Variants in PPP2R2B observed in about 807,000 individuals in gnomAD.
PPP2R2B encodes protein phosphatase 2 regulatory subunit Bbeta.
A neutral mutation model predicts 46.0 loss-of-function variants in PPP2R2B; 5 were observed. The observed-to-expected ratio is 0.11, with a 90% CI of 0.06 to 0.23. The LOEUF (loss-of-function observed/expected upper bound fraction) is 0.23. Ranked by LOEUF, PPP2R2B falls within the 10% of genes least tolerant of loss-of-function variation. The pLI is 1.00. For missense variants in PPP2R2B, 367 were observed against 575.0 expected, an observed-to-expected ratio of 0.64 and a Z score of 3.70; for synonymous variants, 215 against 206.7, an observed-to-expected ratio of 1.04 and a Z score of -0.34.
At chr5:147,028,236 A>T (rs999025224) in intron 1 of PPP2R2B, among the ~76,000 whole-genome samples, 2 of 152,200 alleles carry the variant, frequency 1.3e-5, no homozygotes, top group African/African-American at 4.8e-5. Context: ...CGGATTCAGT[A>T]ACCTCTTCTC....
chr5:146,875,736 C>T (rs566814285), intron 2 of PPP2R2B, among the ~76,000 whole-genome samples: 55 of 152,272 alleles, frequency 3.6e-4, no homozygotes, highest in African/African-American at 1.3e-3. Flanking sequence ...GAAGCTAATT[C>T]CCCACCCAGT....
rs1021586200 is a variant in PPP2R2B, at chr5:147,055,798, G to C, written c.-55C>G. 5 of 1,551,062 alleles carry C rather than the reference G, an allele frequency of 3.2e-6. No individual in the cohort carries two copies. In the South Asian group the frequency reaches 4.8e-5, roughly 15 times the overall value. On this transcript the variant is annotated 5_prime_UTR_variant, in exon 1 of 9. Transcript: ENST00000336640. Reference sequence around the variant, plus strand: ...AAAAAACAGTCTCCTGAATCCATAAGGATTCTCTCGGCCTTTTAAGCTGGC... The same window carrying C: ...AAAAAACAGTCTCCTGAATCCATAACGATTCTCTCGGCCTTTTAAGCTGGC...
At chr5:146,732,424 G>T (rs972740465) in intron 2 of PPP2R2B, among the ~76,000 whole-genome samples, 2 of 152,102 alleles carry the variant, frequency 1.3e-5, no homozygotes, top group Non-Finnish European at 2.9e-5. Context: ...ACCAATGGGA[G>T]GATGGACAAA....
At chr5:146,732,479 C>T (rs1752291769) in intron 2 of PPP2R2B, among the ~76,000 whole-genome samples, 1 of 152,066 alleles carries the variant, frequency 6.6e-6, no homozygotes, top group Non-Finnish European at 1.5e-5. Context: ...TGACTATGGC[C>T]TTGAAATCAG....
At chr5:147,077,780 C>G (rs138718253) in intron 2 of PPP2R2B, among the ~76,000 whole-genome samples, 1 of 152,198 alleles carries the variant, frequency 6.6e-6, no homozygotes, top group Non-Finnish European at 1.5e-5. Flanking sequence ...GTGCACTTTC[C>G]AAACAAAATA....
intron 2 of PPP2R2B, among the ~76,000 whole-genome samples, chr5:146,771,285 A>G (rs1403030283): frequency 6.6e-6 from 1 of 152,212 alleles, no homozygotes; most frequent in Non-Finnish European, 1.5e-5. Flanking sequence ...CAGAAATTTC[A>G]AAGGCCATGT....
chr5:146,779,566 T>A (rs1755385987), intron 2 of PPP2R2B, among the ~76,000 whole-genome samples: 1 of 152,130 alleles, frequency 6.6e-6, no homozygotes, highest in Non-Finnish European at 1.5e-5. Flanking sequence ...CACTGAAGCA[T>A]GCTGGGGAGA....
At chr5:146,829,418 T>C (rs1273137113) in intron 2 of PPP2R2B, among the ~76,000 whole-genome samples, 2 of 152,196 alleles carry the variant, frequency 1.3e-5, no homozygotes, top group African/African-American at 4.8e-5. Context: ...AAAAATGATA[T>C]TAAAAAATGG....
intron 2 of PPP2R2B, among the ~76,000 whole-genome samples, chr5:147,080,445 G>A (rs562054985): frequency 3.3e-5 from 5 of 152,176 alleles, no homozygotes; most frequent in East Asian, 3.9e-4. Context: ...GTTTTGTAAC[G>A]CAGACACCCT....
intron 5 of PPP2R2B, among the ~76,000 whole-genome samples, chr5:146,654,595 T>C (rs143093711): frequency 2.7e-4 from 41 of 152,326 alleles, no homozygotes; most frequent in African/African-American, 9.6e-4. Flanking sequence ...CCATAGTGTC[T>C]AGGCCTCTCC....
intron 2 of PPP2R2B, among the ~76,000 whole-genome samples, chr5:146,789,868 T>C (rs1287024985): frequency 6.6e-6 from 1 of 152,000 alleles, no homozygotes; most frequent in Non-Finnish European, 1.5e-5. Context: ...AAAAGAGAGA[T>C]GTGCAAATGG....
intron 2 of PPP2R2B, among the ~76,000 whole-genome samples, chr5:146,784,261 T>A (rs947177061): frequency 6.6e-6 from 1 of 152,154 alleles, no homozygotes; most frequent in African/African-American, 2.4e-5. Flanking sequence ...AAAAATTTAG[T>A]CACAACTAAA....
chr5:146,877,757 C>T (rs998204921), intron 2 of PPP2R2B, among the ~76,000 whole-genome samples: 1 of 152,176 alleles, frequency 6.6e-6, no homozygotes, highest in Non-Finnish European at 1.5e-5. Context: ...CTGAAAAAGC[C>T]TAATCCCTGA....
chr5:146,793,873 A>G (rs1192780680), intron 2 of PPP2R2B, among the ~76,000 whole-genome samples: 1 of 152,232 alleles, frequency 6.6e-6, no homozygotes, highest in Non-Finnish European at 1.5e-5. Context: ...GGGCTGAGGT[A>G]TCTAAACACA....
chr5:146,756,738 T>C (rs887926886), intron 2 of PPP2R2B, among the ~76,000 whole-genome samples: 1 of 152,220 alleles, frequency 6.6e-6, no homozygotes, highest in African/African-American at 2.4e-5. Flanking sequence ...AGTGAATTCA[T>C]GTCGTGTACT....
chr5:146,968,343 T>C (rs1307176853), intron 1 of PPP2R2B, among the ~76,000 whole-genome samples: 1 of 152,204 alleles, frequency 6.6e-6, no homozygotes, highest in Non-Finnish European at 1.5e-5. Flanking sequence ...AATCTTGTCT[T>C]GAATATACAT....
intron 7 of PPP2R2B, among the ~76,000 whole-genome samples, chr5:146,624,448 T>C (rs1412065924): frequency 6.6e-6 from 1 of 152,126 alleles, no homozygotes; most frequent in Non-Finnish European, 1.5e-5. Context: ...CTATTAACTT[T>C]ACACTCAAAG....
At chr5:146,704,540 A>G (rs541171574) in intron 2 of PPP2R2B, among the ~76,000 whole-genome samples, 1 of 152,346 alleles carries the variant, frequency 6.6e-6, no homozygotes, top group East Asian at 1.9e-4. Flanking sequence ...GATAAAGTAC[A>G]CAATGACTAA....
At position 146,642,598 on chromosome 5, in the gene PPP2R2B, G is replaced by A. The variant is rs113624276; in HGVS notation, c.626-4183C>T. On this transcript the variant is annotated intron_variant, in intron 6 of 9. Coordinates refer to ENST00000394411, the MANE Select transcript of PPP2R2B (RefSeq NM_181675.4). The stretch of plus-strand genomic sequence containing the variant: ...CACAAAATTCTAACAACAGTTTGAT[G>A]ATGTCATTTAAAACTTATACTCTGA... 1.3e-3 allele frequency among the ~76,000 whole-genome samples: 196 copies of A among 152,274 alleles called. 1 individual carries two copies. The highest frequency in any genetic ancestry group is 4.6e-3 in the African/African-American group (190 of 41,562).
Sources: allele counts gnomAD v4.1 joint callset (sites outside exome capture counted in the v4.1 genomes callset), GRCh38; gene constraint gnomAD v4.1.1; transcripts MANE v1.5; gene names NCBI Gene and HGNC (gene_info 2026-07-23, HGNC 2026-07-21).